Variants in OLFML2A observed in about 807,000 individuals in gnomAD.
OLFML2A encodes the protein olfactomedin like 2A, also known as olfactomedin-like protein 2A.
Under a neutral mutation model 60.9 loss-of-function variants are expected in OLFML2A, and 47 were observed. The observed-to-expected ratio is 0.77, with a 90% confidence interval of 0.61 to 0.98. The LOEUF (loss-of-function observed/expected upper bound fraction) is 0.98, where lower values mean the gene tolerates loss of function less well. OLFML2A is among the 50% of genes least tolerant of loss of function. The probability of loss-of-function intolerance (pLI) is 0.00; values close to 1 mark genes in which losing one functional copy is unlikely to be tolerated. For missense variants in OLFML2A, 922 were observed against 879.8 expected (o/e 1.05, Z -0.61); for synonymous variants, 372 against 375.0 (o/e 0.99, Z 0.09).
chr9:124,809,783 G>T, intron 7 of OLFML2A, 25 bp from the exon 8 acceptor site: 1 of 1,573,052 alleles, frequency 6.4e-7, no homozygotes, highest in South Asian at 1.2e-5. Context: ...GGGAGGTCTG[G>T]GGTGACCATC....
At chr9:124,807,719 G>A (rs560369532) in intron 6 of OLFML2A, 62 bp from the exon 7 acceptor site, 57 of 1,371,900 alleles carry the variant, frequency 4.2e-5, no homozygotes, top group Admixed American at 2.5e-4. Flanking sequence ...TTCCCAGCCC[G>A]TTGCTCTGGC....
intron 1 of OLFML2A, among the ~76,000 whole-genome samples, chr9:124,778,732 G>C (rs933610442): frequency 6.6e-6 from 1 of 152,080 alleles, no homozygotes; most frequent in Admixed American, 6.5e-5. Context: ...AGCAGGCGGA[G>C]GTTGCAGTCA....
intron 5 of OLFML2A, among the ~76,000 whole-genome samples, chr9:124,803,127 T>G (rs1841814207): frequency 6.6e-6 from 1 of 152,194 alleles, no homozygotes; most frequent in Non-Finnish European, 1.5e-5. Flanking sequence ...CAAGCTGGTC[T>G]CGAACTCCTG....
chr9:124,805,840 G>A (rs1841888348), intron 6 of OLFML2A, among the ~76,000 whole-genome samples: 1 of 124,066 alleles, frequency 8.1e-6, no homozygotes, highest in Non-Finnish European at 1.6e-5. Flanking sequence ...TTTTGAGACG[G>A]AGTCTGACTC....
intron 3 of OLFML2A, 93 bp downstream of exon 3, chr9:124,795,224 C>T: frequency 1.5e-6 from 1 of 674,990 alleles, no homozygotes; most frequent in Non-Finnish European, 2.6e-6. Context: ...AGGCTTCACC[C>T]TGGTGACCAT....
chr9:124,807,424 C>T (rs1841917864), intron 6 of OLFML2A, among the ~76,000 whole-genome samples: 1 of 151,734 alleles, frequency 6.6e-6, no homozygotes, highest in African/African-American at 2.4e-5. Flanking sequence ...GCTACGATTA[C>T]AGGCACCGCC....
intron 6 of OLFML2A, among the ~76,000 whole-genome samples, chr9:124,807,364 A>G (rs1841916565): frequency 6.9e-6 from 1 of 145,278 alleles, no homozygotes; most frequent in African/African-American, 2.6e-5. Context: ...GCTCACTGCA[A>G]CCTCCGCCTC....
chr9:124,803,941 C>A (rs554707812), intron 5 of OLFML2A, among the ~76,000 whole-genome samples, 153 bp from the exon 6 acceptor site: 2 of 152,260 alleles, frequency 1.3e-5, no homozygotes, highest in Non-Finnish European at 2.9e-5. Flanking sequence ...CATTTGGAGA[C>A]CTTTCACCCC....
At chr9:124,793,808 T>A (rs1397322418) in intron 2 of OLFML2A, among the ~76,000 whole-genome samples, 1 of 152,148 alleles carries the variant, frequency 6.6e-6, no homozygotes, top group Non-Finnish European at 1.5e-5. Context: ...GGAGGATCAC[T>A]TGAGGCCAAG....
intron 4 of OLFML2A, chr9:124,801,127 C>T: frequency 1.4e-6 from 2 of 1,419,610 alleles, no homozygotes; most frequent in Admixed American, 2.1e-5. Context: ...CTAGCCTGCC[C>T]CCCAGGGGGA....
chr9:124,788,728 A>G (rs1457189185), intron 2 of OLFML2A, among the ~76,000 whole-genome samples: 1 of 152,216 alleles, frequency 6.6e-6, no homozygotes, highest in African/African-American at 2.4e-5. Context: ...TGGTTTGGTT[A>G]GACATGTCTG....
chr9:124,786,156 C>T (rs1465715312), intron 1 of OLFML2A, among the ~76,000 whole-genome samples: 7 of 152,150 alleles, frequency 4.6e-5, no homozygotes. Context: ...GGCACTGTGG[C>T]TCATGCCTGT....
chr9:124,803,618 T>G (rs1352557951), intron 5 of OLFML2A, among the ~76,000 whole-genome samples: 1 of 152,210 alleles, frequency 6.6e-6, no homozygotes, highest in Non-Finnish European at 1.5e-5. Context: ...CAGCTGCATT[T>G]TCCATGGCAG....
intron 5 of OLFML2A, among the ~76,000 whole-genome samples, chr9:124,803,520 C>A (rs1016854970): frequency 3.9e-5 from 6 of 152,210 alleles, no homozygotes; most frequent in African/African-American, 1.4e-4. Flanking sequence ...CGGCCTCAGC[C>A]TCCCAAAATG....
Position 124,797,157 on chromosome 9 carries a change from T to C in OLFML2A, c.462+2026T>C, listed in dbSNP as rs139695832. ...ACCACACTCAGCTAGTTTTTTGTGT[T>C]TTTTGTAGAGATGGGGCTTTACCAT... On this transcript the variant is annotated intron_variant, in intron 3 of 7. Coordinates refer to ENST00000373580, the MANE Select transcript of OLFML2A (RefSeq NM_182487.4). Among the ~76,000 whole-genome samples, 450 of 152,306 alleles carry C rather than the reference T, an allele frequency of 3.0e-3. 2 individuals are homozygous for C. Among genetic ancestry groups the C allele is most frequent in the African/African-American group, 0.01 (428 of 41,566 alleles).
In OLFML2A at chr9:124,786,848, T is replaced by A; in HGVS notation, c.91-127T>A. The A allele has an allele frequency of 5.1e-6, 4 of 778,938 alleles. No homozygotes were observed. The African/African-American group carries it at 5.4e-5, about 11-fold the overall frequency. 48.3% of individuals were successfully genotyped at this position (778,938 alleles called of 1,614,324 possible). A position where few individuals can be genotyped will look rare whatever the true frequency, so the allele number is the denominator to read the frequency against. ...CTTCACCACCTCTAATTGCACCCCC[T>A]CCTACCTGCCAAACACTCTCATCCC... On this transcript the variant is annotated intron_variant, in intron 1 of 7. Transcript: ENST00000373580.
rs755848099 is a variant in OLFML2A at position 124,810,165 on chromosome 9, G to A, written c.1712G>A (p.Arg571Gln). The A allele has an allele frequency of 4.3e-6, 7 of 1,613,788 alleles. No individual in the cohort carries two copies. Among genetic ancestry groups the A allele is most frequent in the African/African-American group, 2.7e-5 (2 of 74,910 alleles). The change falls in exon 8 of 8, where the codon CGG (arginine) becomes CAG (glutamine). Residue 571 changes from arginine (R) to glutamine (Q), a missense_variant. Coordinates refer to ENST00000373580, the MANE Select transcript of OLFML2A (RefSeq NM_182487.4). The part of the protein sequence containing the change: ...HRETTWKTRL[R>Q]RNSYGNCFLV... ...GAGACCACGTGGAAGACACGGCTGC[G>A]GCGGAACTCCTACGGGAACTGCTTC...
In OLFML2A at chr9:124,810,129, C is replaced by G; in HGVS notation, c.1676C>G (p.Ser559Cys). The part of the protein sequence containing the change: ...VLSRLDPGDL[S>C]VHRETTWKTR... ...AGTCGCTTGGACCCCGGCGATCTCT[C>G]CGTGCACCGGGAGACCACGTGGAAG... The change falls in exon 8 of 8, where the codon TCC becomes TGC. Residue 559 changes from serine (S) to cysteine (C), a missense_variant. Coordinates refer to ENST00000373580, the MANE Select transcript of OLFML2A (RefSeq NM_182487.4). 6.2e-7 allele frequency: 1 copy of G among 1,613,904 alleles called. No homozygotes were observed. The highest frequency in any genetic ancestry group is 1.3e-5 in the African/African-American group (1 of 75,050).
rs1344822071 is a variant in OLFML2A at position 124,799,431 on chromosome 9, G to T, written c.609G>T (p.Leu203=). The T allele has an allele frequency of 6.2e-7, 1 of 1,612,548 alleles. No homozygotes were observed. The change falls in exon 4 of 8, where the codon CTG becomes CTT. Residue 203 remains leucine, a synonymous_variant. Coordinates refer to ENST00000373580, the MANE Select transcript of OLFML2A (RefSeq NM_182487.4). ...TGTCCCGCCTGGGCCTCCAGCTGCT[G>T]CAGAAGGATGCCGCCGCCGCCCCTG... ...KELSRLGLQL[L]QKDAAAAPAT...
Sources: gnomAD v4.1 joint callset for allele counts (sites outside exome capture counted in the v4.1 genomes callset) on GRCh38, gnomAD v4.1.1 for gene constraint, MANE v1.5 for transcripts, NCBI Gene and HGNC (gene_info 2026-07-23, HGNC 2026-07-21) for gene names.